Variants in TOGARAM2 observed in about 807,000 individuals in gnomAD.
TOGARAM2 encodes the protein TOG array regulator of axonemal microtubules 2.
A neutral mutation model predicts 93.3 loss-of-function variants in TOGARAM2; 85 were observed. The ratio of observed to expected loss-of-function variants is 0.91; its 90% CI spans 0.76 to 1.09. The LOEUF (loss-of-function observed/expected upper bound fraction) is 1.09, where lower values mean the gene tolerates loss of function less well. TOGARAM2 is among the 50% of genes least tolerant of loss of function. TOGARAM2 has a pLI of 0.00. For synonymous variants in TOGARAM2, 593 were observed against 552.8 expected, an observed-to-expected ratio of 1.07 and a Z score of -1.02; for missense variants, 1,277 against 1,334.5, an observed-to-expected ratio of 0.96 and a Z score of 0.67.
At chr2:29,039,475 C>T (rs1010704486) in intron 18 of TOGARAM2, among the ~76,000 whole-genome samples, 5 of 152,086 alleles carry the variant, frequency 3.3e-5, no homozygotes, top group African/African-American at 7.2e-5. Flanking sequence ...GGGAGGATGG[C>T]CTTCTTGGGG....
At chr2:29,005,340 T>A (rs1399053386) in intron 6 of TOGARAM2, among the ~76,000 whole-genome samples, 1 of 60,760 alleles carries the variant, frequency 1.6e-5, no homozygotes, top group Non-Finnish European at 5.5e-5. Flanking sequence ...TGAGACCGTG[T>A]GTGTGCATGT....
At chr2:28,985,200 G>C (rs957186809) in intron 1 of TOGARAM2, among the ~76,000 whole-genome samples, 4 of 152,082 alleles carry the variant, frequency 2.6e-5, no homozygotes, top group African/African-American at 7.2e-5. Flanking sequence ...CTTGCTCTCT[G>C]TCTCTCTCTC....
chr2:29,010,433 C>T (rs1295279476), intron 6 of TOGARAM2, among the ~76,000 whole-genome samples: 7 of 152,092 alleles, frequency 4.6e-5, no homozygotes, highest in Admixed American at 2.0e-4. Flanking sequence ...CCCGGCTGAT[C>T]TACGCCCAGG....
intron 13 of TOGARAM2, among the ~76,000 whole-genome samples, chr2:29,025,364 CT>C (rs140525780): frequency 0.043 from 6,550 of 151,948 alleles, 201 homozygotes; most frequent in Non-Finnish European, 0.062. Flanking sequence ...CTTACTGTGT[CT>C]ATAATTAACT....
chr2:29,004,938 GTGTGC>G (rs1673562260), intron 6 of TOGARAM2, among the ~76,000 whole-genome samples: 6 of 117,894 alleles, frequency 5.1e-5, no homozygotes, highest in Admixed American at 1.7e-4. Flanking sequence ...GAGTGCATGT[GTGTGC>G]ATGTGTGTGC....
intron 14 of TOGARAM2, among the ~76,000 whole-genome samples, chr2:29,029,334 G>A (rs1665607841): frequency 6.6e-6 from 1 of 151,214 alleles, no homozygotes; most frequent in African/African-American, 2.4e-5. Flanking sequence ...TGAATTAATG[G>A]CATTTGCAGT....
chr2:29,028,672 A>G (rs1261944306), intron 14 of TOGARAM2, among the ~76,000 whole-genome samples: 1 of 151,780 alleles, frequency 6.6e-6, no homozygotes, highest in Non-Finnish European at 1.5e-5. Flanking sequence ...TGAGAGAGAA[A>G]GGCAGGAGGA....
At position 29,003,545 on chromosome 2, in the gene TOGARAM2, C is replaced by G. The variant is rs1411206984; in HGVS notation, c.693C>G (p.Ser231=). The change falls in exon 6 of 20, where the codon TCC becomes TCG. Residue 231 remains serine, a synonymous_variant. Coordinates refer to ENST00000379558, the MANE Select transcript of TOGARAM2 (RefSeq NM_199280.4). ...GCAATGATGAGAAGATGCAGAAGTC[C>G]CTGGGCGCCATCGTGATCCCACCCA... ...LHCNDEKMQK[S]LGAIVIPPIP... is the part of the protein sequence containing the mutation. 2 of 1,592,960 alleles carry G rather than the reference C, an allele frequency of 1.3e-6. No individual in the cohort carries two copies. The highest frequency in any genetic ancestry group is 1.1e-5 in the South Asian group (1 of 87,366).
intron 1 of TOGARAM2, among the ~76,000 whole-genome samples, chr2:28,968,661 C>G (rs1425080928): frequency 2.6e-5 from 4 of 151,618 alleles, no homozygotes; most frequent in Non-Finnish European, 5.9e-5. Flanking sequence ...ACAAAAAATA[C>G]AAAAAATATT....
intron 2 of TOGARAM2, among the ~76,000 whole-genome samples, chr2:28,996,776 A>G (rs1008488114): frequency 6.6e-5 from 9 of 135,468 alleles, no homozygotes; most frequent in Non-Finnish European, 9.3e-5. Context: ...GTGAGCCGAG[A>G]TCGCACCACT....
At chr2:28,958,525 C>A (rs1229280497) in intron 1 of TOGARAM2, among the ~76,000 whole-genome samples, 1 of 152,138 alleles carries the variant, frequency 6.6e-6, no homozygotes, top group African/African-American at 2.4e-5. Flanking sequence ...AGATTTTGAA[C>A]TCCTGGGCTT....
chr2:29,030,128 T>C (rs1665676345), intron 14 of TOGARAM2, among the ~76,000 whole-genome samples: 1 of 151,934 alleles, frequency 6.6e-6, no homozygotes, highest in Non-Finnish European at 1.5e-5. Flanking sequence ...ACCAAAATAT[T>C]AGCCGGGCAT....
In TOGARAM2 at chr2:29,051,843, C is replaced by T; in HGVS notation, c.2810C>T (p.Thr937Ile). Residue 937 changes from threonine to isoleucine, a missense_variant, in exon 20 of 20, where the codon ACC becomes ATC. By Grantham distance (89) the Thr-to-Ile change is moderately conservative. Coordinates refer to ENST00000379558, the MANE Select transcript of TOGARAM2 (RefSeq NM_199280.4). ...CTCTGGCACTTCCTGAACACCGCCA[C>T]CAGGAATGGCACCCTGCCTGGACCC... is the stretch of plus-strand genomic sequence containing the variant. ...PILWHFLNTA[T>I]RNGTLPGPSG... is the part of the protein sequence containing the mutation. The T allele has an allele frequency of 1.3e-6, 2 of 1,567,338 alleles. No individual in the cohort carries two copies. The highest frequency in any genetic ancestry group is 2.4e-5 in the East Asian group (1 of 41,762).
At chr2:28,974,015 A>G (rs1316441135) in intron 1 of TOGARAM2, among the ~76,000 whole-genome samples, 1 of 151,966 alleles carries the variant, frequency 6.6e-6, no homozygotes, top group Non-Finnish European at 1.5e-5. Context: ...CTGATGAGAA[A>G]TCCATTCTCA....
Position 29,033,543 on chromosome 2 carries a change from C to T in TOGARAM2, c.2205C>T (p.Asn735=), listed in dbSNP as rs141973379. The change falls in exon 16 of 20, where the codon AAC becomes AAT. Residue 735 remains asparagine (N), a synonymous_variant. Coordinates refer to ENST00000379558, the MANE Select transcript of TOGARAM2 (RefSeq NM_199280.4). ...TGAGGAGTCTGGTGGTGTGTGAGAA[C>T]GGGCTGCCCATCAAGGAGGGGTATG... ...KVLRSLVVCE[N]GLPIKEGLSC... is the part of the protein sequence containing the mutation. 9.9e-6 allele frequency: 16 copies of T among 1,613,566 alleles called. No homozygotes were observed. Among genetic ancestry groups the T allele is most frequent in the South Asian group, 3.3e-5 (3 of 90,870 alleles).
chr2:29,029,799 G>T (rs1365960684), intron 14 of TOGARAM2, among the ~76,000 whole-genome samples: 2 of 151,208 alleles, frequency 1.3e-5, no homozygotes, highest in Non-Finnish European at 2.9e-5. Context: ...GGACTCAGGA[G>T]GAACTAGTGG....
chr2:29,027,915 G>C (rs1272255588), intron 14 of TOGARAM2, among the ~76,000 whole-genome samples: 1 of 151,978 alleles, frequency 6.6e-6, no homozygotes, highest in Non-Finnish European at 1.5e-5. Context: ...AGGGGTGGGG[G>C]TGAGGGTGGG....
In TOGARAM2 at chr2:29,045,306, A is replaced by T. The variant is rs1205547271; in HGVS notation, c.2636-18A>T. The T allele has an allele frequency of 1.9e-6, 3 of 1,608,910 alleles. No homozygotes were observed. The highest frequency in any genetic ancestry group is 2.2e-5 in the South Asian group (2 of 90,536). On this transcript the variant is annotated intron_variant, in intron 18 of 19. Coordinates refer to ENST00000379558, the MANE Select transcript of TOGARAM2 (RefSeq NM_199280.4). ...AGCCCCCAGCAGTGTGGCCACTGAC[A>T]TCCCCCTTCTCTTTCAGACAACCTT...
chr2:28,998,096 G>T, intron 2 of TOGARAM2, 47 bp from the exon 3 acceptor site: 1 of 1,351,316 alleles, frequency 7.4e-7, no homozygotes, highest in Non-Finnish European at 1.0e-6. Flanking sequence ...CCCAGTCTTG[G>T]CCTTGGAGGA....
Sources: gnomAD v4.1 joint callset for allele counts (sites outside exome capture counted in the v4.1 genomes callset) on GRCh38, gnomAD v4.1.1 for gene constraint, MANE v1.5 for transcripts, NCBI Gene and HGNC (gene_info 2026-07-23, HGNC 2026-07-21) for gene names.